HCRTR2: variants seen among roughly 807,000 people sequenced by gnomAD.
HCRTR2 encodes orexin receptor type 2.
Under a neutral mutation model 49.0 loss-of-function variants are expected in HCRTR2, and 22 were observed. The ratio of observed to expected loss-of-function variants is 0.45; its 90% CI spans 0.32 to 0.64. The LOEUF is 0.64. Ranked by LOEUF, HCRTR2 falls within the 30% of genes least tolerant of loss-of-function variation. The pLI is 0.04. For missense variants in HCRTR2, 491 were observed against 559.4 expected, an observed-to-expected ratio of 0.88 and a Z score of 1.23; for synonymous variants, 236 against 205.3, an observed-to-expected ratio of 1.15 and a Z score of -1.28.
At chr6:55,194,917 A>G (rs915005231) in intron 1 of HCRTR2, among the ~76,000 whole-genome samples, 4 of 152,154 alleles carry the variant, frequency 2.6e-5, no homozygotes, top group African/African-American at 4.8e-5. Context: ...TTAAAGTACA[A>G]TCATAACAGA....
At chr6:55,136,143 CA>C (rs1183494500) in intron 1 of HCRTR2, among the ~76,000 whole-genome samples, 1 of 152,006 alleles carries the variant, frequency 6.6e-6, no homozygotes. Context: ...TCTCTTAACA[CA>C]AAATTTACTT....
chr6:55,231,391 T>C (rs1363041708), intron 1 of HCRTR2, among the ~76,000 whole-genome samples: 3 of 152,160 alleles, frequency 2.0e-5, no homozygotes, highest in Non-Finnish European at 4.4e-5. Flanking sequence ...TAAAATACAC[T>C]GCATTATTCT....
At chr6:55,277,285 TG>T in intron 4 of HCRTR2, 94 bp from the exon 5 acceptor site, 2 of 1,020,490 alleles carry the variant, frequency 2.0e-6, no homozygotes, top group Non-Finnish European at 3.1e-6. Flanking sequence ...CTCAGGCGTC[TG>T]GAAGCCTTTC....
At chr6:55,252,528 C>T (rs760244622) in intron 2 of HCRTR2, among the ~76,000 whole-genome samples, 18 of 151,932 alleles carry the variant, frequency 1.2e-4, no homozygotes, top group Non-Finnish European at 2.6e-4. Flanking sequence ...AGTTCTATTC[C>T]CAGGTTAGCA....
chr6:55,233,279 T>G (rs1000200798), intron 1 of HCRTR2, among the ~76,000 whole-genome samples: 1 of 151,994 alleles, frequency 6.6e-6, no homozygotes, highest in African/African-American at 2.4e-5. Flanking sequence ...TTAGTAAACA[T>G]GGGGTTTTAC....
At chr6:55,115,434 C>T (rs1333187437) in intron 1 of HCRTR2, among the ~76,000 whole-genome samples, 2 of 150,958 alleles carry the variant, frequency 1.3e-5, no homozygotes, top group Non-Finnish European at 3.0e-5. Flanking sequence ...GCTTAGTCAA[C>T]TGTGGCACAA....
intron 1 of HCRTR2, among the ~76,000 whole-genome samples, chr6:55,204,882 C>A (rs918549542): frequency 1.3e-5 from 2 of 152,012 alleles, no homozygotes; most frequent in African/African-American, 4.8e-5. Flanking sequence ...ACCTCCTGGG[C>A]TGAAGTAATT....
intron 1 of HCRTR2, among the ~76,000 whole-genome samples, chr6:55,121,909 G>A (rs939511086): frequency 6.6e-6 from 1 of 151,416 alleles, no homozygotes; most frequent in Non-Finnish European, 1.5e-5. Context: ...CAGGGATATT[G>A]TTCTAAAATT....
At chr6:55,227,839 G>C (rs978393865) in intron 1 of HCRTR2, among the ~76,000 whole-genome samples, 1 of 152,152 alleles carries the variant, frequency 6.6e-6, no homozygotes, top group Admixed American at 6.6e-5. Context: ...GAAATTGAGA[G>C]TGTAGATAAA....
intron 1 of HCRTR2, among the ~76,000 whole-genome samples, chr6:55,233,266 T>G (rs938410425): frequency 1.3e-5 from 2 of 152,072 alleles, no homozygotes; most frequent in South Asian, 2.1e-4. Flanking sequence ...TTTTCTGTAT[T>G]TTTTAGTAAA....
At chr6:55,135,377 G>A (rs1304126353) in intron 1 of HCRTR2, among the ~76,000 whole-genome samples, 2 of 151,986 alleles carry the variant, frequency 1.3e-5, no homozygotes, top group African/African-American at 2.4e-5. Context: ...ATCTAAGGCC[G>A]GAAGATTCAG....
At chr6:55,259,455 C>T (rs1436140258) in intron 3 of HCRTR2, among the ~76,000 whole-genome samples, 8 of 151,908 alleles carry the variant, frequency 5.3e-5, no homozygotes, top group Non-Finnish European at 2.9e-5. Context: ...ATTTAATTTA[C>T]TTGTTCATTC....
At chr6:55,200,078 C>T (rs1765483874) in intron 1 of HCRTR2, among the ~76,000 whole-genome samples, 1 of 152,148 alleles carries the variant, frequency 6.6e-6, no homozygotes, top group South Asian at 2.1e-4. Flanking sequence ...ACCTATCAGA[C>T]CCACCCTGTT....
At chr6:55,220,140 T>A (rs1765864801) in intron 1 of HCRTR2, among the ~76,000 whole-genome samples, 1 of 152,178 alleles carries the variant, frequency 6.6e-6, no homozygotes, top group Admixed American at 6.5e-5. Flanking sequence ...ATGCCAATTC[T>A]TCTCAAACTT....
At chr6:55,274,843 C>A (rs1767047877) in intron 4 of HCRTR2, among the ~76,000 whole-genome samples, 1 of 152,038 alleles carries the variant, frequency 6.6e-6, no homozygotes, top group African/African-American at 2.4e-5. Flanking sequence ...ATAAATGTGA[C>A]CTCATGAAAT....
intron 1 of HCRTR2, among the ~76,000 whole-genome samples, chr6:55,114,496 AAT>A (rs1173145206): frequency 6.6e-6 from 1 of 151,706 alleles, no homozygotes; most frequent in Non-Finnish European, 1.5e-5. Flanking sequence ...ATCAAATGAC[AAT>A]ATGTTTCCAC....
intron 1 of HCRTR2, among the ~76,000 whole-genome samples, chr6:55,183,911 A>G (rs1765173955): frequency 6.6e-6 from 1 of 151,992 alleles, no homozygotes; most frequent in Admixed American, 6.6e-5. Context: ...TAAATTTGAG[A>G]AGCAATTTCT....
At chr6:55,260,416 G>A (rs1233065359) in intron 3 of HCRTR2, among the ~76,000 whole-genome samples, 2 of 152,140 alleles carry the variant, frequency 1.3e-5, no homozygotes, top group African/African-American at 4.8e-5. Context: ...GCACTTCAAA[G>A]GGAAAGACTG....
At chr6:55,172,296 T>G (rs1472910941), upstream of HCRTR2, among the ~76,000 whole-genome samples, 1 of 152,186 alleles carries the variant, frequency 6.6e-6, no homozygotes, top group Non-Finnish European at 1.5e-5. Flanking sequence ...CCTTTGGGAT[T>G]TTCTACTCAT....
Sources: allele counts gnomAD v4.1 joint callset (sites outside exome capture counted in the v4.1 genomes callset), GRCh38; gene constraint gnomAD v4.1.1; transcripts MANE v1.5; gene names NCBI Gene and HGNC (gene_info 2026-07-23, HGNC 2026-07-21).